Variants in ZBTB44 observed in about 807,000 individuals in gnomAD.
ZBTB44 encodes the protein zinc finger and BTB domain containing 44, also known as zinc finger and BTB domain-containing protein 44.
In ZBTB44, 15 loss-of-function variants were observed where a neutral mutation model predicts 54.0. That is an observed-to-expected ratio of 0.28 (90% confidence interval 0.19 to 0.43). The LOEUF is 0.43. Ranked by LOEUF, ZBTB44 falls within the 20% of genes least tolerant of loss-of-function variation. The pLI, the probability that ZBTB44 is intolerant of heterozygous loss-of-function variation, is 1.00. For synonymous variants in ZBTB44, 230 were observed against 250.1 expected, an observed-to-expected ratio of 0.92 and a Z score of 0.76; for missense variants, 487 against 707.1, an observed-to-expected ratio of 0.69 and a Z score of 3.53.
intron 1 of ZBTB44, among the ~76,000 whole-genome samples, chr11:130,309,007 A>C (rs992252407): frequency 1.5e-4 from 23 of 152,200 alleles, no homozygotes; most frequent in African/African-American, 5.3e-4. Context: ...AATAACTCAC[A>C]AGCTTTCTGC....
At chr11:130,300,716 A>C (rs1941942655) in intron 1 of ZBTB44, among the ~76,000 whole-genome samples, 3 of 152,212 alleles carry the variant, frequency 2.0e-5, no homozygotes, top group African/African-American at 7.2e-5. Flanking sequence ...ACCAAAGTCT[A>C]TTTGATTTAG....
chr11:130,242,064 TCTGG>T (rs538911679), intron 2 of ZBTB44, among the ~76,000 whole-genome samples: 3 of 152,346 alleles, frequency 2.0e-5, no homozygotes, highest in Non-Finnish European at 2.9e-5. Flanking sequence ...TTCTGAACAT[TCTGG>T]CTATTTTTTG....
chr11:130,276,867 C>A (rs1410289679), intron 1 of ZBTB44, among the ~76,000 whole-genome samples: 3 of 152,168 alleles, frequency 2.0e-5, no homozygotes, highest in Non-Finnish European at 4.4e-5. Context: ...GTTACAGCTT[C>A]CTGATGAAAT....
intron 1 of ZBTB44, among the ~76,000 whole-genome samples, chr11:130,262,318 T>G (rs946184232): frequency 1.3e-5 from 2 of 152,070 alleles, no homozygotes; most frequent in African/African-American, 4.8e-5. Context: ...TTTTGTATTT[T>G]TGTAGAGATG....
chr11:130,274,526 ACT>A (rs1939916537), intron 1 of ZBTB44, among the ~76,000 whole-genome samples: 1 of 151,982 alleles, frequency 6.6e-6, no homozygotes, highest in African/African-American at 2.4e-5. Context: ...GGTTAAGGAA[ACT>A]CTTCTCTATT....
chr11:130,311,843 C>T (rs1288166543), intron 1 of ZBTB44, among the ~76,000 whole-genome samples: 1 of 152,144 alleles, frequency 6.6e-6, no homozygotes. Flanking sequence ...TCAGAAAGCA[C>T]TCCAAGATTA....
chr11:130,264,819 T>C (rs7119391), intron 1 of ZBTB44, among the ~76,000 whole-genome samples: 6,230 of 152,310 alleles, frequency 0.041, 316 homozygotes, highest in African/African-American at 0.12. Context: ...TTTGCAAATA[T>C]TGTGTTTTTT....
intron 1 of ZBTB44, among the ~76,000 whole-genome samples, chr11:130,292,727 C>T (rs1279468348): frequency 1.3e-5 from 2 of 152,008 alleles, no homozygotes; most frequent in Non-Finnish European, 2.9e-5. Context: ...TTGCAGGAAA[C>T]CTGTTAAAAC....
chr11:130,273,460 C>A (rs1384622211), intron 1 of ZBTB44, among the ~76,000 whole-genome samples: 1 of 151,950 alleles, frequency 6.6e-6, no homozygotes, highest in East Asian at 1.9e-4. Flanking sequence ...CGGGCATGGG[C>A]CACCAACATG....
intron 5 of ZBTB44, 159 bp downstream of exon 5, chr11:130,236,634 T>C: frequency 2.8e-6 from 2 of 718,524 alleles, no homozygotes; most frequent in Non-Finnish European, 3.9e-6. Flanking sequence ...AGCAAAATTT[T>C]ATCAGATCAG....
intron 1 of ZBTB44, among the ~76,000 whole-genome samples, chr11:130,283,293 G>A (rs575883280): frequency 6.3e-4 from 96 of 151,918 alleles, no homozygotes; most frequent in African/African-American, 2.0e-3. Flanking sequence ...TGATCCACCC[G>A]CCTCGGCCTC....
intron 1 of ZBTB44, among the ~76,000 whole-genome samples, chr11:130,306,173 C>A (rs778485606): frequency 5.3e-5 from 8 of 152,218 alleles, no homozygotes; most frequent in Admixed American, 3.3e-4. Flanking sequence ...TAAACTAGTA[C>A]AACCACTATG....
intron 5 of ZBTB44, chr11:130,236,236 T>C: frequency 7.8e-7 from 1 of 1,280,462 alleles, no homozygotes; most frequent in Non-Finnish European, 1.0e-6. Flanking sequence ...AGAAAGGTAA[T>C]TCTATTATAA....
chr11:130,288,571 A>G (rs1241364811), intron 1 of ZBTB44, among the ~76,000 whole-genome samples: 1 of 152,026 alleles, frequency 6.6e-6, no homozygotes, highest in Non-Finnish European at 1.5e-5. Flanking sequence ...TCCTCAGACT[A>G]CATTAACCAC....
chr11:130,267,823 GC>G (rs1476390459), intron 1 of ZBTB44, among the ~76,000 whole-genome samples: 1 of 152,006 alleles, frequency 6.6e-6, no homozygotes, highest in Admixed American at 6.6e-5. Context: ...CAGCACTTTG[GC>G]ACTTTGGGAG....
chr11:130,274,353 A>G (rs1442267100), intron 1 of ZBTB44, among the ~76,000 whole-genome samples: 1 of 152,128 alleles, frequency 6.6e-6, no homozygotes, highest in Non-Finnish European at 1.5e-5. Context: ...GATGCCTTTT[A>G]TTTATCTTGC....
chr11:130,286,283 GAC>G (rs1374519732), intron 1 of ZBTB44, among the ~76,000 whole-genome samples: 2 of 152,134 alleles, frequency 1.3e-5, no homozygotes, highest in African/African-American at 2.4e-5. Context: ...CTGTGAAAAT[GAC>G]AGATATTAGC....
Position 130,228,910 on chromosome 11 carries a change from T to C in ZBTB44, c.*2854A>G, listed in dbSNP as rs910754471. On this transcript the variant is annotated 3_prime_UTR_variant, in exon 8 of 8. Coordinates refer to ENST00000357899, the MANE Select transcript of ZBTB44 (RefSeq NM_001301098.2). ...ACGAGAAAGGAACTAATAAAAGAAT[T>C]TGACTTTATAAACCAGGTACTTTGA... The C allele has an allele frequency of 1.3e-5, 2 of 152,220 alleles. No individual in the cohort carries two copies. The highest frequency in any genetic ancestry group is 6.5e-5 in the Admixed American group (1 of 15,278). The allele number at this position is 152,220 out of a possible 1,614,324, so 9.4% of individuals were successfully genotyped here. A position where few individuals can be genotyped will look rare whatever the true frequency, so the allele number is the denominator to read the frequency against.
intron 1 of ZBTB44, chr11:130,295,945 A>T (rs899177779): frequency 7.9e-5 from 120 of 1,525,062 alleles, no homozygotes; most frequent in Non-Finnish European, 1.1e-4. Flanking sequence ...GAAACTTGCT[A>T]ATGGGATCAA....
Sources: gnomAD v4.1 joint callset for allele counts (sites outside exome capture counted in the v4.1 genomes callset) on GRCh38, gnomAD v4.1.1 for gene constraint, MANE v1.5 for transcripts, NCBI Gene and HGNC (gene_info 2026-07-23, HGNC 2026-07-21) for gene names.